LRGUK: variants seen among roughly 807,000 people sequenced by gnomAD.
The protein encoded by LRGUK is leucine rich repeats and guanylate kinase domain containing, also known as leucine-rich repeat and guanylate kinase domain-containing protein.
LRGUK carries 65 observed loss-of-function variants against 76.0 expected under a neutral mutation model. That is an observed-to-expected ratio of 0.85 (90% CI 0.70 to 1.05). LRGUK has a LOEUF of 1.05. Among genes scored for constraint, LRGUK ranks in the 50% least tolerant of loss-of-function variants. LRGUK has a pLI of 0.00. For missense variants in LRGUK, 758 were observed against 732.8 expected (o/e 1.03, Z -0.40); for synonymous variants, 268 against 265.6 (o/e 1.01, Z -0.09).
chr7:134,209,438 A>G (rs926529927), exon 16 of LRGUK: 5 of 398,984 alleles, frequency 1.3e-5, no homozygotes, highest in African/African-American at 4.1e-5. Flanking sequence ...CCGAGTCAGT[A>G]TCCCTCACCC....
chr7:134,183,607 A>C, intron 10 of LRGUK, 127 bp from the exon 11 acceptor site: 1 of 882,846 alleles, frequency 1.1e-6, no homozygotes. Flanking sequence ...AAGGACAACT[A>C]TTCTTCTACG....
intron 5 of LRGUK, among the ~76,000 whole-genome samples, chr7:134,153,112 A>G (rs1481834243): frequency 6.6e-6 from 1 of 152,102 alleles, no homozygotes; most frequent in African/African-American, 2.4e-5. Flanking sequence ...AGTCAAGCAT[A>G]GGTCAATGGT....
At chr7:134,170,315 G>A (rs1250111795) in intron 7 of LRGUK, among the ~76,000 whole-genome samples, 1 of 151,780 alleles carries the variant, frequency 6.6e-6, no homozygotes, top group African/African-American at 2.4e-5. Context: ...TTTTTATGAA[G>A]TCTTTCTCTG....
Position 134,191,495 on chromosome 7 carries a change from A to T in LRGUK, c.1335-160A>T, listed in dbSNP as rs529949319. Among the ~76,000 whole-genome samples the T allele has an allele frequency of 1.1e-4, 16 of 152,318 alleles. No homozygotes were observed. The South Asian group carries it at 1.4e-3, about 14-fold the overall frequency. On this transcript the variant is annotated intron_variant, in intron 11 of 15. Transcript: ENST00000645682. The stretch of plus-strand genomic sequence containing the variant: ...TTATAGATGATAGCAACTGAATATA[A>T]TTTAGCACTTCGAAACCAACATATT...
At chr7:134,264,496 A>T (rs1192385006) in exon 20 of LRGUK, 1 of 152,268 alleles carries the variant, frequency 6.6e-6, no homozygotes, top group East Asian at 1.9e-4. Context: ...CGCCAACATG[A>T]TATCGACTGC....
chr7:134,192,127 T>C (rs752137179), intron 12 of LRGUK, among the ~76,000 whole-genome samples: 6 of 152,184 alleles, frequency 3.9e-5, no homozygotes, highest in Non-Finnish European at 7.3e-5. Context: ...ATCTTGTAAA[T>C]TAAGTATGTC....
intron 4 of LRGUK, among the ~76,000 whole-genome samples, chr7:134,146,209 G>A (rs1348300429): frequency 1.3e-5 from 2 of 152,086 alleles, no homozygotes; most frequent in African/African-American, 2.4e-5. Flanking sequence ...GGAGGCAGAG[G>A]TTGCAGTGGG....
At chr7:134,135,716 C>G (rs1797497485) in intron 1 of LRGUK, among the ~76,000 whole-genome samples, 1 of 152,142 alleles carries the variant, frequency 6.6e-6, no homozygotes, top group Non-Finnish European at 1.5e-5. Flanking sequence ...AGTGTGGTGG[C>G]ACAATCTTGG....
intron 15 of LRGUK, among the ~76,000 whole-genome samples, chr7:134,215,812 C>A (rs2117140956): frequency 6.6e-6 from 1 of 152,236 alleles, no homozygotes; most frequent in South Asian, 2.1e-4. Context: ...TTCTAGAAAT[C>A]ACTTTTCTGT....
intron 4 of LRGUK, among the ~76,000 whole-genome samples, chr7:134,145,255 C>CT (rs983218922): frequency 5.4e-4 from 82 of 150,570 alleles, no homozygotes; most frequent in African/African-American, 1.8e-3. Context: ...CTTTTCTTTT[C>CT]TTTTTTTTTA....
chr7:134,164,629 G>A (rs930811759), intron 7 of LRGUK, among the ~76,000 whole-genome samples: 2 of 152,064 alleles, frequency 1.3e-5, no homozygotes, highest in African/African-American at 4.8e-5. Context: ...ATTTCTTCTT[G>A]AAAATGAAAA....
At chr7:134,264,224 C>G (rs1422995662) in exon 20 of LRGUK, 1 of 349,552 alleles carries the variant, frequency 2.9e-6, no homozygotes, top group Non-Finnish European at 5.0e-6. Context: ...GTGAGTTATT[C>G]TTAGCTTTTA....
At position 134,183,927 on chromosome 7, in the gene LRGUK, A is replaced by G. The variant is rs546679024; in HGVS notation, c.1334+74A>G. On this transcript the variant is annotated intron_variant, in intron 11 of 15. Coordinates refer to ENST00000645682, the Ensembl canonical transcript of LRGUK. Reference sequence around the variant, plus strand: ...TTGGAGGTATCAATAGTTGTAGTAAAATCTCCGATATTGCTAATGTTGGCT... The same window carrying G: ...TTGGAGGTATCAATAGTTGTAGTAAGATCTCCGATATTGCTAATGTTGGCT... The G allele has an allele frequency of 3.4e-5, 52 of 1,536,192 alleles. No individual in the cohort carries two copies. The South Asian group carries it at 5.3e-4, about 16-fold the overall frequency.
exon 3 of LRGUK, chr7:134,139,510 A>G: frequency 6.3e-7 from 1 of 1,595,258 alleles, no homozygotes; most frequent in African/African-American, 1.3e-5. Context: ...CAGCGAATAA[A>G]ATTGAAGGTA....
At chr7:134,145,426 T>A (rs935496382) in intron 4 of LRGUK, among the ~76,000 whole-genome samples, 7 of 152,116 alleles carry the variant, frequency 4.6e-5, no homozygotes, top group South Asian at 2.1e-4. Context: ...TTTGTACTTT[T>A]AGTAGAGACG....
chr7:134,251,043 T>A (rs1802430845), intron 18 of LRGUK, among the ~76,000 whole-genome samples: 2 of 152,228 alleles, frequency 1.3e-5, no homozygotes, highest in Non-Finnish European at 2.9e-5. Context: ...TTTTTTGATG[T>A]GTGTCTTATA....
intron 16 of LRGUK, among the ~76,000 whole-genome samples, chr7:134,231,945 T>C (rs1188571485): frequency 2.0e-5 from 3 of 152,002 alleles, no homozygotes; most frequent in Non-Finnish European, 4.4e-5. Context: ...TTCTTTTGCC[T>C]TCTTCCCATT....
chr7:134,159,210 C>G (rs1359959936), intron 6 of LRGUK, among the ~76,000 whole-genome samples: 1 of 151,822 alleles, frequency 6.6e-6, no homozygotes, highest in Non-Finnish European at 1.5e-5. Flanking sequence ...GTGGCACAAG[C>G]CTGTAGTCCC....
At chr7:134,203,685 G>A (rs187509680) in intron 15 of LRGUK, among the ~76,000 whole-genome samples, 1 of 152,280 alleles carries the variant, frequency 6.6e-6, no homozygotes. Context: ...GAGGACTGGA[G>A]GACTGTGCTC....
Sources: gnomAD v4.1 joint callset for allele counts (sites outside exome capture counted in the v4.1 genomes callset) on GRCh38, gnomAD v4.1.1 for gene constraint, MANE v1.5 for transcripts, NCBI Gene and HGNC (gene_info 2026-07-23, HGNC 2026-07-21) for gene names.